USH2A: variants seen among roughly 807,000 people sequenced by gnomAD.
USH2A encodes the protein usherin, also known as Usher syndrome 2A (autosomal recessive, mild).
A neutral mutation model predicts 538.9 loss-of-function variants in USH2A; 443 were observed. That is an observed-to-expected ratio of 0.82 (90% confidence interval 0.76 to 0.89). The LOEUF (loss-of-function observed/expected upper bound fraction) is 0.89, where lower values mean the gene tolerates loss of function less well. USH2A is among the 40% of genes least tolerant of loss of function. The pLI is 0.00. For missense variants in USH2A, 6,633 were observed against 6,324.8 expected, an observed-to-expected ratio of 1.05 and a Z score of -1.65; for synonymous variants, 2,413 against 2,273.5, an observed-to-expected ratio of 1.06 and a Z score of -1.75.
chr1:216,338,340 G>A (rs1443314824), intron 4 of USH2A, among the ~76,000 whole-genome samples: 1 of 151,372 alleles, frequency 6.6e-6, no homozygotes, highest in Non-Finnish European at 1.5e-5. Flanking sequence ...ATACAGTAGA[G>A]GTGGCTTTAA....
chr1:215,808,470 A>G (rs1008786785), intron 49 of USH2A, among the ~76,000 whole-genome samples: 2 of 152,112 alleles, frequency 1.3e-5, no homozygotes, highest in African/African-American at 4.8e-5. Flanking sequence ...ATTCAGGACC[A>G]TTAGTTTTTT....
intron 61 of USH2A, among the ~76,000 whole-genome samples, chr1:215,714,711 G>A (rs756189630): frequency 4.6e-5 from 7 of 152,092 alleles, no homozygotes; most frequent in Non-Finnish European, 7.4e-5. Flanking sequence ...CGTTTATCTG[G>A]ACTTTTCCTT....
intron 56 of USH2A, among the ~76,000 whole-genome samples, chr1:215,760,423 T>C (rs1225299886): frequency 6.6e-6 from 1 of 152,092 alleles, no homozygotes; most frequent in Non-Finnish European, 1.5e-5. Flanking sequence ...TCTTCTCTTC[T>C]CTTCCAACAC....
At chr1:216,421,713 G>A in intron 2 of USH2A, 139 bp downstream of exon 2, 1 of 1,351,278 alleles carries the variant, frequency 7.4e-7, no homozygotes, top group Non-Finnish European at 1.0e-6. Context: ...TTTAATTGGG[G>A]AAACAACTGG....
intron 20 of USH2A, among the ~76,000 whole-genome samples, chr1:216,180,320 G>C (rs1162650797): frequency 6.6e-6 from 1 of 151,870 alleles, no homozygotes; most frequent in South Asian, 2.1e-4. Flanking sequence ...ATGTCTATTT[G>C]AATAAAAGTA....
chr1:216,048,571 C>G lies in USH2A; in HGVS notation c.6126G>C (p.Glu2042Asp), dbSNP rs768651513. ...TAGAGATGTTCAATGCATGTGAGCTCTCAGTACAGCCAGCCAAAGTGCAAG... is the reference window on the plus strand; with the variant it reads ...TAGAGATGTTCAATGCATGTGAGCTGTCAGTACAGCCAGCCAAAGTGCAAG... ...LTACTLAGCT[E>D]SSHALNISTP... is the part of the protein sequence containing the mutation. Residue 2042 changes from glutamate to aspartate, a missense_variant, in exon 31 of 72, where the codon GAG becomes GAC. Glu to Asp is a conservative substitution (Grantham distance 45). Transcript: ENST00000307340. 3 of 1,613,936 alleles carry G rather than the reference C, an allele frequency of 1.9e-6. No individual in the cohort carries two copies. Among genetic ancestry groups the G allele is most frequent in the Non-Finnish European group, 1.7e-6 (2 of 1,179,990 alleles).
chr1:215,682,779 C>T (rs1237796301), intron 61 of USH2A, among the ~76,000 whole-genome samples: 1 of 151,582 alleles, frequency 6.6e-6, no homozygotes, highest in Non-Finnish European at 1.5e-5. Context: ...GAGAAATAAC[C>T]ACATGTTGGG....
chr1:216,176,049 C>T (rs900940045), intron 20 of USH2A, among the ~76,000 whole-genome samples: 1 of 152,198 alleles, frequency 6.6e-6, no homozygotes, highest in African/African-American at 2.4e-5. Flanking sequence ...ACAGGCAAAG[C>T]ATAATCCGTG....
intron 37 of USH2A, among the ~76,000 whole-genome samples, chr1:215,964,486 C>T (rs1571851379): frequency 6.6e-6 from 1 of 152,250 alleles, no homozygotes; most frequent in East Asian, 1.9e-4. Context: ...ATTACAAAGA[C>T]TCATAGAAAA....
chr1:216,318,756 T>C (rs1270124682), intron 9 of USH2A, among the ~76,000 whole-genome samples: 3 of 152,328 alleles, frequency 2.0e-5, no homozygotes, highest in South Asian at 2.1e-4. Flanking sequence ...CATTAAAATG[T>C]ATTCTCAACC....
At chr1:215,657,927 A>ATTTTT (rs59977028) in intron 64 of USH2A, among the ~76,000 whole-genome samples, 2 of 97,752 alleles carry the variant, frequency 2.0e-5, no homozygotes, top group African/African-American at 3.6e-5. Flanking sequence ...ATTTGCCCTG[A>ATTTTT]TTTTTTTTTT....
intron 13 of USH2A, among the ~76,000 whole-genome samples, chr1:216,239,467 G>C (rs552379379): frequency 1.3e-5 from 2 of 152,280 alleles, no homozygotes; most frequent in South Asian, 2.1e-4. Context: ...GCCTGAGATA[G>C]AGCATTGAAC....
chr1:215,811,334 A>G (rs1662669544), intron 49 of USH2A, among the ~76,000 whole-genome samples: 1 of 152,140 alleles, frequency 6.6e-6, no homozygotes, highest in South Asian at 2.1e-4. Context: ...AACCTTCCCA[A>G]CTGCTTCCAT....
chr1:216,041,642 C>CA (rs2030281299), intron 32 of USH2A, among the ~76,000 whole-genome samples: 1 of 151,978 alleles, frequency 6.6e-6, no homozygotes, highest in Non-Finnish European at 1.5e-5. Context: ...GAGGGTAAAA[C>CA]ATTTTAAACA....
intron 54 of USH2A, among the ~76,000 whole-genome samples, chr1:215,780,994 T>A (rs1313815120): frequency 6.6e-6 from 1 of 152,238 alleles, no homozygotes; most frequent in African/African-American, 2.4e-5. Context: ...GGGCTTCCTC[T>A]GTCAAGGCTG....
At chr1:216,063,353 A>G (rs902538567) in intron 30 of USH2A, among the ~76,000 whole-genome samples, 2 of 152,174 alleles carry the variant, frequency 1.3e-5, no homozygotes, top group Non-Finnish European at 2.9e-5. Context: ...TAATTATCCA[A>G]GCTGGCTTTG....
intron 32 of USH2A, among the ~76,000 whole-genome samples, chr1:216,041,665 G>A (rs2030282184): frequency 6.6e-6 from 1 of 151,984 alleles, no homozygotes; most frequent in African/African-American, 2.4e-5. Flanking sequence ...GTGGGTGATT[G>A]TAACCAGAAA....
chr1:215,907,182 C>T (rs139764249), intron 38 of USH2A, among the ~76,000 whole-genome samples: 1,705 of 152,026 alleles, frequency 0.011, 18 homozygotes, highest in South Asian at 0.024. Context: ...TGAAATGGGG[C>T]ACTCTAAGTA....
intron 15 of USH2A, among the ~76,000 whole-genome samples, chr1:216,208,885 A>C (rs1229014509): frequency 6.6e-6 from 1 of 152,156 alleles, no homozygotes; most frequent in Non-Finnish European, 1.5e-5. Flanking sequence ...CCAATCAGGG[A>C]AGCTCCTTAG....
Sources: allele counts gnomAD v4.1 joint callset (sites outside exome capture counted in the v4.1 genomes callset), GRCh38; gene constraint gnomAD v4.1.1; transcripts MANE v1.5; gene names NCBI Gene and HGNC (gene_info 2026-07-23, HGNC 2026-07-21).